The following STARD8 variants were observed in gnomAD, a reference collection of about 807,000 sequenced individuals.
The protein encoded by STARD8 is StAR related lipid transfer domain containing 8.
In STARD8, 25 loss-of-function variants were observed where a neutral mutation model predicts 69.4. The observed-to-expected ratio is 0.36, with a 90% CI of 0.26 to 0.50. STARD8 has a LOEUF of 0.50. STARD8 is among the 20% of genes least tolerant of loss of function. The pLI is 0.96. For synonymous variants in STARD8, 389 were observed against 374.6 expected (o/e 1.04, Z -0.45); for missense variants, 921 against 932.5 (o/e 0.99, Z 0.16).
chrX:68,707,674 C>T (rs763155267), intron 2 of STARD8, among the ~76,000 whole-genome samples: 1 of 111,645 alleles, frequency 9.0e-6, no homozygotes, highest in East Asian at 2.8e-4. Context: ...AGAGCTCCAG[C>T]AGTAATAAAG....
At chrX:68,722,668 G>C (rs758325693) in intron 12 of STARD8, 22 bp downstream of exon 12, 1 of 1,199,544 alleles carries the variant, frequency 8.3e-7, no homozygotes. Context: ...ACCACGGGTG[G>C]CTGCTATGGG....
intron 1 of STARD8, among the ~76,000 whole-genome samples, chrX:68,660,709 A>T (rs2079639269): frequency 8.9e-6 from 1 of 112,423 alleles, no homozygotes; most frequent in South Asian, 3.7e-4. Flanking sequence ...GCCTAGAGAA[A>T]GTTTGCCAAG....
chrX:68,703,072 G>A (rs765957937), intron 2 of STARD8, among the ~76,000 whole-genome samples: 4 of 111,028 alleles, frequency 3.6e-5, no homozygotes, highest in African/African-American at 9.8e-5. Context: ...GGCAATATAG[G>A]GAGACACCTA....
chrX:68,652,790 A>AT (rs1456129608), intron 1 of STARD8, among the ~76,000 whole-genome samples: 1 of 50,476 alleles, frequency 2.0e-5, no homozygotes, highest in South Asian at 1.1e-3. Context: ...CACCACACAC[A>AT]CACACACCAC....
At chrX:68,720,545 G>C in intron 8 of STARD8, 122 bp downstream of exon 8, 1 of 886,792 alleles carries the variant, frequency 1.1e-6, no homozygotes, top group Non-Finnish European at 1.5e-6. Context: ...CACTTGGGCT[G>C]GTCCACCAGA....
At chrX:68,719,574 G>C (rs1405274795) in intron 7 of STARD8, among the ~76,000 whole-genome samples, 176 bp downstream of exon 7, 2 of 112,801 alleles carry the variant, frequency 1.8e-5, no homozygotes, top group African/African-American at 3.2e-5. Context: ...CAGAGGACCT[G>C]AGGTCCTCCA....
At chrX:68,713,142 A>G (rs2080065097) in intron 3 of STARD8, among the ~76,000 whole-genome samples, 157 bp downstream of exon 3, 1 of 111,379 alleles carries the variant, frequency 9.0e-6, no homozygotes, top group Admixed American at 9.5e-5. Context: ...CTGCAGTTGC[A>G]CCTTTCTCTC....
intron 2 of STARD8, among the ~76,000 whole-genome samples, chrX:68,666,889 A>G (rs1410604826): frequency 8.9e-6 from 1 of 111,896 alleles, no homozygotes; most frequent in Non-Finnish European, 1.9e-5. Context: ...CATTTCAGAG[A>G]CACCAGCTTC....
intron 7 of STARD8, among the ~76,000 whole-genome samples, chrX:68,719,766 T>A (rs2080131239): frequency 8.9e-6 from 1 of 112,051 alleles, no homozygotes; most frequent in African/African-American, 3.2e-5. Flanking sequence ...AGCCTACCGC[T>A]CCTAAGCAAC....
chrX:68,652,841 A>C (rs1028523374), intron 1 of STARD8, among the ~76,000 whole-genome samples: 17 of 25,799 alleles, frequency 6.6e-4, no homozygotes, highest in African/African-American at 7.7e-4. Context: ...CCCCACACAC[A>C]CCCCCACACA....
At chrX:68,671,866 T>C (rs933328979) in intron 2 of STARD8, among the ~76,000 whole-genome samples, 43 of 112,162 alleles carry the variant, frequency 3.8e-4, no homozygotes, top group African/African-American at 1.3e-3. Flanking sequence ...TTAGGGGACA[T>C]GAAAGGAAGA....
At chrX:68,719,749 G>T (rs1175667745) in intron 7 of STARD8, among the ~76,000 whole-genome samples, 2 of 111,955 alleles carry the variant, frequency 1.8e-5, no homozygotes, top group African/African-American at 6.5e-5. Flanking sequence ...CATCCTTCTG[G>T]CTCTTTAGCC....
Position 68,724,437 on chromosome X carries a change from C to T in STARD8, c.*15C>T. 2.5e-6 allele frequency: 3 copies of T among 1,183,976 alleles called. No individual in the cohort carries two copies. Among genetic ancestry groups the T allele is most frequent in the Non-Finnish European group, 2.3e-6 (2 of 875,688 alleles). On this transcript the variant is annotated 3_prime_UTR_variant, in exon 15 of 15. Coordinates refer to ENST00000374599, the MANE Select transcript of STARD8 (RefSeq NM_001142503.3). ...CAAAGCTGTGAGCCTTGGGCTGGTCCCAGGGTGGCACCACCCAGGCCCCCT... is the reference window on the plus strand; with the variant it reads ...CAAAGCTGTGAGCCTTGGGCTGGTCTCAGGGTGGCACCACCCAGGCCCCCT...
intron 2 of STARD8, among the ~76,000 whole-genome samples, chrX:68,688,670 A>G (rs758012074): frequency 0.011 from 1,239 of 112,124 alleles, 13 homozygotes; most frequent in African/African-American, 0.039. Flanking sequence ...CATAGCCCCA[A>G]GGTGAGCTGG....
In STARD8 at chrX:68,715,283, C is replaced by G. The variant is rs200545757; in HGVS notation, c.152-11C>G. On this transcript the variant is annotated splice_polypyrimidine_tract_variant and intron_variant, in intron 3 of 14. Transcript: ENST00000374599. ...CCACTGCACTCATCTTTGCTTCTCTCTGCCATACAGAAGGTTCGTTTCCCC... is the reference window on the plus strand; with the variant it reads ...CCACTGCACTCATCTTTGCTTCTCTGTGCCATACAGAAGGTTCGTTTCCCC... 2 of 1,199,173 alleles carry G rather than the reference C, an allele frequency of 1.7e-6. No individual in the cohort carries two copies. Among genetic ancestry groups the G allele is most frequent in the Admixed American group, 4.5e-5 (2 of 44,928 alleles).
chrX:68,668,079 T>TTCTTTC (rs1184887352), intron 2 of STARD8, among the ~76,000 whole-genome samples: 1 of 92,577 alleles, frequency 1.1e-5, no homozygotes, highest in African/African-American at 4.2e-5. Flanking sequence ...CTTTCTTTCT[T>TTCTTTC]TCTTTCTTTC....
chrX:68,656,903 T>C (rs1414878410), intron 1 of STARD8, among the ~76,000 whole-genome samples: 1 of 111,147 alleles, frequency 9.0e-6, no homozygotes, highest in East Asian at 2.8e-4. Context: ...ATATACCTAA[T>C]GTAAATGATG....
intron 2 of STARD8, among the ~76,000 whole-genome samples, chrX:68,683,937 A>G (rs2079815188): frequency 8.9e-6 from 1 of 112,392 alleles, no homozygotes; most frequent in Non-Finnish European, 1.9e-5. Flanking sequence ...ACTGCCACTT[A>G]TGAGCAATTT....
intron 2 of STARD8, among the ~76,000 whole-genome samples, chrX:68,687,253 C>T (rs1258834473): frequency 1.8e-5 from 2 of 110,500 alleles, no homozygotes; most frequent in African/African-American, 3.3e-5. Context: ...ATAATCAACT[C>T]GCATTGCCTG....
Sources: allele counts gnomAD v4.1 joint callset (sites outside exome capture counted in the v4.1 genomes callset), GRCh38; gene constraint gnomAD v4.1.1; transcripts MANE v1.5; gene names NCBI Gene and HGNC (gene_info 2026-07-23, HGNC 2026-07-21).